DOCK9: variants seen among roughly 807,000 people sequenced by gnomAD.
DOCK9 encodes the protein dedicator of cytokinesis protein 9.
Under a neutral mutation model 263.3 loss-of-function variants are expected in DOCK9, and 89 were observed. The observed-to-expected ratio is 0.34, with a 90% CI of 0.28 to 0.40. The LOEUF (loss-of-function observed/expected upper bound fraction) is 0.40, where lower values mean the gene tolerates loss of function less well. Among genes scored for constraint, DOCK9 ranks in the 10% least tolerant of loss-of-function variants. DOCK9 has a pLI of 1.00. For synonymous variants in DOCK9, 976 were observed against 973.1 expected (o/e 1.00, Z -0.06); for missense variants, 2,140 against 2,603.4 (o/e 0.82, Z 3.87).
At chr13:98,934,819 T>A (rs1262855627) in intron 2 of DOCK9, among the ~76,000 whole-genome samples, 1 of 152,218 alleles carries the variant, frequency 6.6e-6, no homozygotes, top group Non-Finnish European at 1.5e-5. Flanking sequence ...CTACTGATCA[T>A]TTAAGGACTC....
At chr13:98,925,710 C>T (rs2052826554) in intron 4 of DOCK9, 127 bp downstream of exon 4, 13 of 582,438 alleles carry the variant, frequency 2.2e-5, no homozygotes, top group Non-Finnish European at 3.1e-5. Flanking sequence ...ATAGTTACAC[C>T]ACATACACAT....
At chr13:98,975,586 G>A (rs1335280622) in intron 1 of DOCK9, among the ~76,000 whole-genome samples, 2 of 151,942 alleles carry the variant, frequency 1.3e-5, no homozygotes, top group Non-Finnish European at 2.9e-5. Flanking sequence ...CCACTGGAGA[G>A]TAAAAACAAG....
chr13:98,842,157 T>C (rs1332759088), intron 38 of DOCK9, among the ~76,000 whole-genome samples: 1 of 152,198 alleles, frequency 6.6e-6, no homozygotes, highest in Non-Finnish European at 1.5e-5. Context: ...GTGCTTTAGG[T>C]AACAAAGACA....
Position 98,829,252 on chromosome 13 carries a change from TG to T in DOCK9, c.4965+54del. The stretch of plus-strand genomic sequence containing the variant: ...TCTCAAAACTGGCTTTTTAAGTGAA[TG>T]GGGCCTCACTGGTTTTTTCAAAAAC... On this transcript the variant is annotated intron_variant, in intron 43 of 52. Coordinates refer to ENST00000682017, the MANE Select transcript of DOCK9 (RefSeq NM_001366683.2). The surrounding 1 kb of genome is among the most constrained non-coding windows in gnomAD (Gnocchi z 4.1). The T allele has an allele frequency of 6.7e-7, 1 of 1,500,346 alleles. No homozygotes were observed. 92.9% of individuals were successfully genotyped at this position (1,500,346 alleles called of 1,614,324 possible).
chr13:99,073,842 G>A (rs915902367), intron 1 of DOCK9, among the ~76,000 whole-genome samples: 3 of 152,206 alleles, frequency 2.0e-5, no homozygotes, highest in South Asian at 4.1e-4. Flanking sequence ...CTGGGAGCTT[G>A]TATGCTGCCT....
intron 14 of DOCK9, 24 bp downstream of exon 14, chr13:98,898,155 A>G: frequency 6.4e-7 from 1 of 1,564,958 alleles, no homozygotes; most frequent in Non-Finnish European, 8.8e-7. Context: ...TATCGATTTA[A>G]AAGGTATAAA....
chr13:99,037,157 A>G (rs1819574886), intron 1 of DOCK9, among the ~76,000 whole-genome samples: 1 of 152,218 alleles, frequency 6.6e-6, no homozygotes, highest in African/African-American at 2.4e-5. Flanking sequence ...TTACAATAAA[A>G]AATTGCAAAA....
chr13:99,008,805 A>T (rs1269286492), intron 1 of DOCK9, among the ~76,000 whole-genome samples: 1 of 152,138 alleles, frequency 6.6e-6, no homozygotes, highest in East Asian at 1.9e-4. Context: ...TTCCTCTTTA[A>T]GGCCACAGTA....
At chr13:98,828,761 C>G (rs1290019604) in intron 43 of DOCK9, among the ~76,000 whole-genome samples, 4 of 152,132 alleles carry the variant, frequency 2.6e-5, no homozygotes, top group African/African-American at 4.8e-5. Flanking sequence ...AAAACTGGCT[C>G]AATGTCACAG....
intron 23 of DOCK9, 40 bp downstream of exon 23, chr13:98,883,002 A>C: frequency 6.4e-7 from 1 of 1,568,404 alleles, no homozygotes; most frequent in African/African-American, 1.4e-5. Flanking sequence ...ACCTACTCCA[A>C]ACTCACTTAA....
chr13:98,846,642 A>G (rs1196533546), intron 37 of DOCK9: 13 of 1,062,132 alleles, frequency 1.2e-5, no homozygotes, highest in South Asian at 9.8e-5. Context: ...CCATCACCAG[A>G]GCAGATGAAA....
chr13:98,964,810 C>T (rs761853460), intron 1 of DOCK9, among the ~76,000 whole-genome samples: 1 of 152,172 alleles, frequency 6.6e-6, no homozygotes, highest in South Asian at 2.1e-4. Flanking sequence ...GAAAAAGAGA[C>T]TCCACACAGC....
chr13:99,000,059 G>C (rs1444143625), intron 1 of DOCK9, among the ~76,000 whole-genome samples: 2 of 152,292 alleles, frequency 1.3e-5, no homozygotes, highest in Middle Eastern at 3.4e-3. Flanking sequence ...TTAGGGCTCT[G>C]CCTGCCTTAA....
intron 18 of DOCK9, 26 bp downstream of exon 18, chr13:98,888,132 T>C (rs546600542): frequency 4.0e-6 from 6 of 1,509,564 alleles, no homozygotes; most frequent in East Asian, 4.6e-5. Flanking sequence ...AATTCGTAGG[T>C]GAACATATAT....
At chr13:98,949,140 A>G (rs909713500) in intron 2 of DOCK9, among the ~76,000 whole-genome samples, 2 of 152,200 alleles carry the variant, frequency 1.3e-5, no homozygotes, top group African/African-American at 2.4e-5. Context: ...CAGCACAATC[A>G]TGGCTCACTG....
At chr13:99,065,300 A>C (rs1387406040) in intron 1 of DOCK9, among the ~76,000 whole-genome samples, 1 of 152,142 alleles carries the variant, frequency 6.6e-6, no homozygotes, top group Non-Finnish European at 1.5e-5. Context: ...CTGCTGCCTA[A>C]ATTATGGCAA....
rs1184385340 is a variant in DOCK9 at position 98,807,678 on chromosome 13, T to C, written c.5497A>G (p.Ile1833Val). Residue 1833 changes from isoleucine (I) to valine (V), a missense_variant, in exon 48 of 53, where the codon ATA (isoleucine) becomes GTA (valine). Around this residue, in one of 2 missense-constraint regions of DOCK9, gnomAD observed 619 missense variants for 861.8 expected, o/e 0.72. Coordinates refer to ENST00000682017, the MANE Select transcript of DOCK9 (RefSeq NM_001366683.2). Reference protein sequence around the residue: ...DKFGSENVKMIQDSGKVNPKD... With the variant: ...DKFGSENVKMVQDSGKVNPKD... ...GGTCATACCTTGCCAGAATCCTGTATCATTTTGACATTTTCAGAACCAAAT... is the reference window on the plus strand; with the variant it reads ...GGTCATACCTTGCCAGAATCCTGTACCATTTTGACATTTTCAGAACCAAAT... 1 of 1,609,420 alleles carries C rather than the reference T, an allele frequency of 6.2e-7. No individual in the cohort carries two copies. The highest frequency in any genetic ancestry group is 8.5e-7 in the Non-Finnish European group (1 of 1,176,860).
chr13:99,057,767 A>G (rs2040992147), intron 1 of DOCK9, among the ~76,000 whole-genome samples: 1 of 152,240 alleles, frequency 6.6e-6, no homozygotes, highest in South Asian at 2.1e-4. Flanking sequence ...CAGGAGTGCC[A>G]CACCAGCTTA....
intron 1 of DOCK9, among the ~76,000 whole-genome samples, chr13:99,083,847 T>G (rs2042225321): frequency 6.6e-6 from 1 of 152,184 alleles, no homozygotes; most frequent in Non-Finnish European, 1.5e-5. Context: ...CATCAATACT[T>G]GAAGTGTGGG....
Sources: gnomAD v4.1 joint callset for allele counts (sites outside exome capture counted in the v4.1 genomes callset) on GRCh38, gnomAD v4.1.1 for gene constraint, gnomAD v4.1.1 regional missense constraint, Gnocchi (gnomAD v3.1) non-coding constraint, MANE v1.5 for transcripts, NCBI Gene and HGNC (gene_info 2026-07-23, HGNC 2026-07-21) for gene names.